Variants in EML3 observed in about 807,000 individuals in gnomAD.
EML3 encodes the protein echinoderm microtubule-associated protein-like 3.
Under a neutral mutation model 106.7 loss-of-function variants are expected in EML3, and 53 were observed. The observed-to-expected ratio is 0.50, with a 90% CI of 0.40 to 0.62. EML3 has a LOEUF of 0.62. Ranked by LOEUF, EML3 falls within the 20% of genes least tolerant of loss-of-function variation. The pLI is 0.00. For missense variants in EML3, 994 were observed against 1,209.1 expected (o/e 0.82, Z 2.64); for synonymous variants, 499 against 489.6 (o/e 1.02, Z -0.25).
chr11:62,607,374 A>G (rs931288980), intron 11 of EML3: 7 of 468,094 alleles, frequency 1.5e-5, no homozygotes, highest in African/African-American at 3.9e-5. Flanking sequence ...ATGAAACCGT[A>G]TCTCTATTAA....
intron 16 of EML3, among the ~76,000 whole-genome samples, 155 bp from the exon 17 acceptor site, chr11:62,604,356 C>A (rs1204161451): frequency 6.6e-6 from 1 of 152,114 alleles, no homozygotes; most frequent in Non-Finnish European, 1.5e-5. Context: ...CAGGTCACAA[C>A]TGCATTCTTC....
Position 62,608,982 on chromosome 11 carries a change from C to A in EML3, c.909G>T (p.Gly303=). The change falls in exon 7 of 22, where the codon GGG becomes GGT. Residue 303 remains glycine, a synonymous_variant. Coordinates refer to ENST00000394773, the MANE Select transcript of EML3 (RefSeq NM_153265.3). ...CTCACCATCGAACGCAGTCTGTGTGCCCCCGGTAATGTCTCTGGCCGCCAC... is the reference window on the plus strand; with the variant it reads ...CTCACCATCGAACGCAGTCTGTGTGACCCCGGTAATGTCTCTGGCCGCCAC... ...PGGGGQRHYR[G]HTDCVRCLAV... is the part of the protein sequence containing the mutation. 6.2e-7 allele frequency: 1 copy of A among 1,613,862 alleles called. No homozygotes were observed. The highest frequency in any genetic ancestry group is 8.5e-7 in the Non-Finnish European group (1 of 1,179,988).
Position 62,602,475 on chromosome 11 carries a change from T to A in EML3, c.2691A>T (p.Ter897CysextTer35). ...SLSPASSLDV[*>C] Reference sequence around the variant, plus strand: ...GCCAGTCGGTCCCGCCAGGCAGCGATCAAACGTCGAGGGAGGAGGCGGGGG... The same window carrying A: ...GCCAGTCGGTCCCGCCAGGCAGCGAACAAACGTCGAGGGAGGAGGCGGGGG... Residue 897 changes from the stop codon to cysteine (C), a stop_lost, in exon 22 of 22, where the codon TGA (stop) becomes TGT (cysteine). Transcript: ENST00000394773. 1 of 1,538,560 alleles carries A rather than the reference T, an allele frequency of 6.5e-7. No homozygotes were observed. Among genetic ancestry groups the A allele is most frequent in the Non-Finnish European group, 8.8e-7 (1 of 1,140,110 alleles).
Position 62,611,544 on chromosome 11 carries a change from C to T in EML3, c.75G>A (p.Val25=), listed in dbSNP as rs772946921. Residue 25 remains valine (V), a synonymous_variant, in exon 2 of 22, where the codon GTG becomes GTA. Coordinates refer to ENST00000394773, the MANE Select transcript of EML3 (RefSeq NM_153265.3). ...TTACCAGTTCCATCTCCTGCTCCTG[C>T]ACCCGAAGCCGCTGGCTCAGAGACT... ...ALQSLSQRLR[V]QEQEMELVKA... The T allele has an allele frequency of 1.2e-5, 20 of 1,613,658 alleles. No homozygotes were observed. The highest frequency in any genetic ancestry group is 1.4e-5 in the Non-Finnish European group (16 of 1,179,988).
In EML3 at chr11:62,605,951, G is replaced by A. The variant is rs759441592; in HGVS notation, c.1686C>T (p.Ala562=). 12 of 1,614,062 alleles carry A rather than the reference G, an allele frequency of 7.4e-6. No homozygotes were observed. Among genetic ancestry groups the A allele is most frequent in the Admixed American group, 5.0e-5 (3 of 60,006 alleles). The change falls in exon 14 of 22, where the codon GCC becomes GCT. Residue 562 remains alanine, a synonymous_variant. Coordinates refer to ENST00000394773, the MANE Select transcript of EML3 (RefSeq NM_153265.3). The surrounding 1 kb of genome is among the most constrained non-coding windows in gnomAD (Gnocchi z 5.2). ...EIPEHFGAVR[A]IAEGLGSELL... ...GCTCAGAGCCAAGCCCTTCAGCAAT[G>A]GCTCGCACGGCCCCGAAGTGCTCGG...
At chr11:62,607,582 G>A (rs956451362) in intron 11 of EML3, 84 bp downstream of exon 11, 3 of 1,457,892 alleles carry the variant, frequency 2.1e-6, no homozygotes, top group African/African-American at 2.9e-5. Context: ...GGGGGTTAGG[G>A]AACCTCAGGG....
In EML3 at chr11:62,602,415, G is replaced by A; in HGVS notation, c.*60C>T. The A allele has an allele frequency of 1.3e-6, 2 of 1,549,770 alleles. No individual in the cohort carries two copies. The highest frequency in any genetic ancestry group is 1.7e-6 in the Non-Finnish European group (2 of 1,145,942). ...CCCCTAGTCGTGGGGGATTGGGCCA[G>A]GGAAGGGCAGGGCGGGGCGGGGCCA... On this transcript the variant is annotated 3_prime_UTR_variant, in exon 22 of 22. Coordinates refer to ENST00000394773, the MANE Select transcript of EML3 (RefSeq NM_153265.3).
At chr11:62,604,455 G>A (rs1000283301) in intron 16 of EML3, among the ~76,000 whole-genome samples, 1 of 152,064 alleles carries the variant, frequency 6.6e-6, no homozygotes, top group Non-Finnish European at 1.5e-5. Flanking sequence ...AGATCTCAAC[G>A]CAACCTCCAC....
intron 10 of EML3, 44 bp downstream of exon 10, chr11:62,608,157 C>T (rs781152485): frequency 2.5e-6 from 4 of 1,585,846 alleles, no homozygotes; most frequent in South Asian, 1.1e-5. Context: ...CCACCACTCC[C>T]ACCCCCAACC....
At position 62,608,284 on chromosome 11, in the gene EML3, A is replaced by G; in HGVS notation, c.1123T>C (p.Phe375Leu). 6.2e-7 allele frequency: 1 copy of G among 1,613,940 alleles called. No individual in the cohort carries two copies. The highest frequency in any genetic ancestry group is 1.3e-5 in the African/African-American group (1 of 75,038). Residue 375 changes from phenylalanine (F) to leucine (L), a missense_variant, in exon 10 of 22, where the codon TTT becomes CTT. By Grantham distance (22) the Phe-to-Leu change is conservative (BLOSUM62 0). Coordinates refer to ENST00000394773, the MANE Select transcript of EML3 (RefSeq NM_153265.3). ...LAFSAADQGA[F>L]LCVVDDSNEH... ...TTGGAATCATCCACCACACAAAGAAAGGCACCCTGATCCTGAAGAAGGGTG... is the reference window on the plus strand; with the variant it reads ...TTGGAATCATCCACCACACAAAGAAGGGCACCCTGATCCTGAAGAAGGGTG...
intron 1 of EML3, chr11:62,611,959 G>C (rs937585994): frequency 2.7e-6 from 1 of 367,762 alleles, no homozygotes; most frequent in African/African-American, 2.1e-5. Flanking sequence ...CGCGCCCCCA[G>C]CAAGCTCAGG....
At position 62,607,820 on chromosome 11, in the gene EML3, C is replaced by T. The variant is rs1942612287; in HGVS notation, c.1208G>A (p.Ser403Asn). The change falls in exon 11 of 22, where the codon AGT (serine) becomes AAT (asparagine). Residue 403 changes from serine to asparagine, a missense_variant and splice_region_variant. Ser to Asn is a conservative substitution (Grantham distance 46). Coordinates refer to ENST00000394773, the MANE Select transcript of EML3 (RefSeq NM_153265.3). ...AACGGCCAGGACTGAGTCATTTGTA[C>T]TCTGAAGGGAAGACACTAGATTCAG... ...SRGMKLAEIKSTNDSVLAVGF... is the reference protein window; with the variant it reads ...SRGMKLAEIKNTNDSVLAVGF... 2 of 1,613,192 alleles carry T rather than the reference C, an allele frequency of 1.2e-6. No individual in the cohort carries two copies. Among genetic ancestry groups the T allele is most frequent in the African/African-American group, 1.3e-5 (1 of 74,884 alleles).
At chr11:62,606,334 T>C in intron 12 of EML3, 120 bp from the exon 13 acceptor site, 1 of 1,151,646 alleles carries the variant, frequency 8.7e-7, no homozygotes, top group South Asian at 1.5e-5. Flanking sequence ...GACTACTATG[T>C]CTCATCCTCA....
At position 62,605,506 on chromosome 11, in the gene EML3, T is replaced by C. The variant is rs1942462112; in HGVS notation, c.1914+136A>G. The C allele has an allele frequency of 1.1e-5, 14 of 1,231,074 alleles. No homozygotes were observed. The highest frequency in any genetic ancestry group is 1.6e-5 in the Non-Finnish European group (14 of 901,258). The allele number at this position is 1,231,074 out of a possible 1,614,324, so 76.3% of individuals were successfully genotyped here. On this transcript the variant is annotated intron_variant, in intron 15 of 21. Coordinates refer to ENST00000394773, the MANE Select transcript of EML3 (RefSeq NM_153265.3). The surrounding 1 kb of genome is among the most constrained non-coding windows in gnomAD (Gnocchi z 5.2). ...CCAGTCAGTACAGAAAAATTAATATTTGAGTAGCCAGTGCAGCCATACCAG... is the reference window on the plus strand; with the variant it reads ...CCAGTCAGTACAGAAAAATTAATATCTGAGTAGCCAGTGCAGCCATACCAG...
intron 20 of EML3, 62 bp downstream of exon 20, chr11:62,603,087 A>G (rs1245086017): frequency 4.4e-6 from 7 of 1,600,428 alleles, no homozygotes; most frequent in Non-Finnish European, 6.0e-6. Context: ...CAGCGTTCCA[A>G]GCCCAAACTG....
Position 62,609,652 on chromosome 11 carries a change from G to A in EML3, c.611C>T (p.Ser204Phe), listed in dbSNP as rs1305018719. The A allele has an allele frequency of 6.2e-7, 1 of 1,608,316 alleles. No homozygotes were observed. Among genetic ancestry groups the A allele is most frequent in the South Asian group, 1.1e-5 (1 of 90,126 alleles). ...ACCCAAATTGTAATTGCTCCTCCGA[G>A]ATCCAGGGCCCCCAGGGCTGGAGAG... ...DPLSSPGGPG[S>F]RRSNYNLEGI... Residue 204 changes from serine to phenylalanine, a missense_variant, in exon 5 of 22, where the codon TCT becomes TTT. Physicochemically the swap from Ser to Phe is radical, Grantham distance 155. Transcript: ENST00000394773.
Position 62,608,795 on chromosome 11 carries a change from G to C in EML3, c.940C>G (p.His314Asp). ...HTDCVRCLAV[H>D]PDGVRVASGQ... is the part of the protein sequence containing the mutation. ...GAGGCTACCCGAACACCATCAGGGT[G>C]AACAGCAAGGCTAAGGCAGGGGGAA... is the stretch of plus-strand genomic sequence containing the variant. The change falls in exon 8 of 22, where the codon CAC becomes GAC. Residue 314 changes from histidine to aspartate, a missense_variant. Physicochemically the swap from His to Asp is moderately conservative, Grantham distance 81. Around this residue, in one of 3 missense-constraint regions of EML3, gnomAD observed 713 missense variants for 920.5 expected, o/e 0.77. Coordinates refer to ENST00000394773, the MANE Select transcript of EML3 (RefSeq NM_153265.3). 1 of 1,575,534 alleles carries C rather than the reference G, an allele frequency of 6.3e-7. No individual in the cohort carries two copies. The highest frequency in any genetic ancestry group is 8.6e-7 in the Non-Finnish European group (1 of 1,158,560).
At position 62,605,009 on chromosome 11, in the gene EML3, G is replaced by A. The variant is rs1942442109; in HGVS notation, c.1982+104C>T. On this transcript the variant is annotated intron_variant, in intron 16 of 21. Transcript: ENST00000394773. The surrounding 1 kb of genome is among the most constrained non-coding windows in gnomAD (Gnocchi z 5.2). The stretch of plus-strand genomic sequence containing the variant: ...GGCACAGAGGAGTGCCAAGGCGCAG[G>A]TGGCTCCTGGGTAGAGGTGGTCACT... 8.5e-7 allele frequency: 1 copy of A among 1,174,216 alleles called. No individual in the cohort carries two copies. Among genetic ancestry groups the A allele is most frequent in the African/African-American group, 1.6e-5 (1 of 63,596 alleles). The allele number at this position is 1,174,216 out of a possible 1,614,324, so 72.7% of individuals were successfully genotyped here.
chr11:62,605,919 A>AC lies in EML3; in HGVS notation c.1717dup (p.Val573GlyfsTer26), dbSNP rs1253393540. 27 of 1,614,044 alleles carry AC rather than the reference A, an allele frequency of 1.7e-5. No individual in the cohort carries two copies. The highest frequency in any genetic ancestry group is 2.2e-5 in the Non-Finnish European group (26 of 1,180,038). Reference sequence around the variant, plus strand: ...CAGCAATGCATTCTTCGTGGTTCCCACCAGCAGCTCAGAGCCAAGCCCTTC... The same window carrying AC: ...CAGCAATGCATTCTTCGTGGTTCCCACCCAGCAGCTCAGAGCCAAGCCCTTC... On this transcript the variant is annotated frameshift_variant, in exon 14 of 22. Transcript: ENST00000394773. LOFTEE classifies it high-confidence loss of function. This position sits in a 1 kb window ranked among gnomAD's most constrained non-coding sequence, Gnocchi z 5.2.
Sources: allele counts gnomAD v4.1 joint callset (sites outside exome capture counted in the v4.1 genomes callset), GRCh38; gene constraint gnomAD v4.1.1; regional missense constraint gnomAD v4.1.1; non-coding constraint Gnocchi (gnomAD v3.1); transcripts MANE v1.5; gene names NCBI Gene and HGNC (gene_info 2026-07-23, HGNC 2026-07-21).